Variants in PAFAH2 observed in about 807,000 individuals in gnomAD.
PAFAH2 encodes platelet activating factor acetylhydrolase 2, also known as platelet-activating factor acetylhydrolase 2, cytoplasmic.
In PAFAH2, 42 loss-of-function variants were observed where a neutral mutation model predicts 49.0. The ratio of observed to expected loss-of-function variants is 0.86; its 90% CI spans 0.67 to 1.11. PAFAH2 has a LOEUF of 1.11. Among genes scored for constraint, PAFAH2 ranks in the 50% least tolerant of loss-of-function variants. The pLI, the probability that PAFAH2 is intolerant of heterozygous loss-of-function variation, is 0.00. For synonymous variants in PAFAH2, 184 were observed against 181.3 expected (o/e 1.01, Z -0.12); for missense variants, 503 against 501.8 (o/e 1.00, Z -0.02).
At chr1:25,962,496 A>C (rs1231437819) in intron 10 of PAFAH2, among the ~76,000 whole-genome samples, 1 of 152,140 alleles carries the variant, frequency 6.6e-6, no homozygotes, top group East Asian at 1.9e-4. Flanking sequence ...TAGAGCTATT[A>C]AGTGGTAGAG....
intron 9 of PAFAH2, among the ~76,000 whole-genome samples, chr1:25,973,355 G>A (rs1184196172): frequency 6.6e-6 from 1 of 152,136 alleles, no homozygotes; most frequent in Non-Finnish European, 1.5e-5. Context: ...TTCAGTGAGA[G>A]AAAGAGAATC....
chr1:25,977,450 A>G (rs1279325316), intron 7 of PAFAH2, among the ~76,000 whole-genome samples: 1 of 151,448 alleles, frequency 6.6e-6, no homozygotes, highest in Non-Finnish European at 1.5e-5. Context: ...TAGGAGTTTG[A>G]GACCAGCCAG....
intron 10 of PAFAH2, among the ~76,000 whole-genome samples, chr1:25,966,521 C>T (rs7553386): frequency 0.54 from 82,003 of 151,986 alleles, 25,116 homozygotes; most frequent in East Asian, 0.7. Flanking sequence ...AAGTCAAATA[C>T]CGAATGCTGT....
intron 4 of PAFAH2, among the ~76,000 whole-genome samples, chr1:25,986,969 C>T (rs915813271): frequency 2.6e-5 from 4 of 151,878 alleles, no homozygotes; most frequent in Admixed American, 1.3e-4. Context: ...CCCTGACAGG[C>T]GCGGTGGCTC....
intron 10 of PAFAH2, among the ~76,000 whole-genome samples, chr1:25,970,674 C>T (rs2049492644): frequency 6.6e-6 from 1 of 152,120 alleles, no homozygotes; most frequent in African/African-American, 2.4e-5. Context: ...CAGTCTTGAC[C>T]TCCCAGGCTC....
intron 9 of PAFAH2, 65 bp downstream of exon 9, chr1:25,974,415 T>G: frequency 1.4e-6 from 2 of 1,394,394 alleles, no homozygotes; most frequent in South Asian, 3.1e-5. Flanking sequence ...ATCCAGAAGT[T>G]AAGGGCACCA....
intron 10 of PAFAH2, among the ~76,000 whole-genome samples, chr1:25,964,848 C>A (rs1224973004): frequency 6.6e-6 from 1 of 152,054 alleles, no homozygotes; most frequent in East Asian, 1.9e-4. Flanking sequence ...ATGCTCAAAG[C>A]AATTTACAGA....
chr1:25,995,951 G>A (rs1433686230), intron 1 of PAFAH2, among the ~76,000 whole-genome samples: 2 of 152,066 alleles, frequency 1.3e-5, no homozygotes, highest in African/African-American at 2.4e-5. Context: ...TGAAATAATG[G>A]GGGACAAAGG....
chr1:25,982,361 T>C lies in PAFAH2; in HGVS notation c.666+3A>G, dbSNP rs910147929. ...CTCTAGGTCATACCAATTGCTTCCA[T>C]ACCTTCAAAGTCATCAGATCCAAGC... On this transcript the variant is annotated splice_donor_region_variant and intron_variant, in intron 7 of 10. Transcript: ENST00000374282. 16 of 1,609,228 alleles carry C rather than the reference T, an allele frequency of 9.9e-6. No homozygotes were observed. The highest frequency in any genetic ancestry group is 4.5e-5 in the East Asian group (2 of 44,868).
rs201548055 is a variant in PAFAH2, at chr1:25,977,014, CTTTTTTTTTTTTTT to C, written c.667-255_667-242del. ...GTGAGAATCACACTTTTCATGTTTA[CTTTTTTTTTTTTTT>C]TTTTTTTTTTTTGAGACGGAGTCTC... On this transcript the variant is annotated intron_variant, in intron 7 of 10. Transcript: ENST00000374282. 1.8e-3 allele frequency among the ~76,000 whole-genome samples: 162 copies of C among 88,386 alleles called. 2 individuals are homozygous for C. The East Asian group carries it at 0.057, about 31-fold the overall frequency. 58.0% of individuals were successfully genotyped at this position (88,386 alleles called of 152,430 possible).
intron 4 of PAFAH2, 28 bp from the exon 5 acceptor site, chr1:25,984,556 AG>A (rs1356900983): frequency 1.9e-6 from 3 of 1,579,874 alleles, no homozygotes; most frequent in African/African-American, 1.3e-5. Context: ...AACAAGGAAA[AG>A]GGATCAAAAG....
At chr1:25,991,207 C>T (rs9438606) in intron 1 of PAFAH2, among the ~76,000 whole-genome samples, 20,330 of 152,172 alleles carry the variant, frequency 0.13, 1,481 homozygotes, top group Middle Eastern at 0.22. Context: ...CCATTATTTA[C>T]GGTTAGCACT....
chr1:25,979,017 A>C (rs2049638765), intron 7 of PAFAH2, among the ~76,000 whole-genome samples: 1 of 152,238 alleles, frequency 6.6e-6, no homozygotes, highest in Non-Finnish European at 1.5e-5. Context: ...GTGTGCAGGT[A>C]TTTATTTGTA....
chr1:25,964,553 TGAA>T (rs1204964277), intron 10 of PAFAH2, among the ~76,000 whole-genome samples: 1 of 151,722 alleles, frequency 6.6e-6, no homozygotes, highest in Non-Finnish European at 1.5e-5. Flanking sequence ...AAAAAACAAA[TGAA>T]GAAACAAACA....
intron 1 of PAFAH2, among the ~76,000 whole-genome samples, chr1:25,992,339 A>G (rs2049887547): frequency 6.6e-6 from 1 of 152,196 alleles, no homozygotes; most frequent in South Asian, 2.1e-4. Context: ...CCTAAGAGGA[A>G]AAAAAGCAGA....
chr1:25,975,908 G>A (rs1390400048), intron 8 of PAFAH2, among the ~76,000 whole-genome samples: 3 of 151,918 alleles, frequency 2.0e-5, no homozygotes, highest in African/African-American at 7.3e-5. Flanking sequence ...TCCTTACCCT[G>A]GCCAGATGAC....
At chr1:25,962,910 C>A (rs930425532) in intron 10 of PAFAH2, among the ~76,000 whole-genome samples, 1 of 152,008 alleles carries the variant, frequency 6.6e-6, no homozygotes, top group African/African-American at 2.4e-5. Context: ...GACAGCTCAG[C>A]CTGTGGGTGC....
chr1:25,968,059 G>A (rs1346734438), intron 10 of PAFAH2, among the ~76,000 whole-genome samples: 2 of 152,030 alleles, frequency 1.3e-5, no homozygotes, highest in Non-Finnish European at 2.9e-5. Flanking sequence ...CCAGCTACTC[G>A]GGAGGCTGAG....
At chr1:25,977,235 G>A (rs956269628) in intron 7 of PAFAH2, among the ~76,000 whole-genome samples, 1 of 150,442 alleles carries the variant, frequency 6.6e-6, no homozygotes, top group African/African-American at 2.4e-5. Flanking sequence ...TCCTGACCTC[G>A]TGATCCGCCC....
Sources: gnomAD v4.1 joint callset for allele counts (sites outside exome capture counted in the v4.1 genomes callset) on GRCh38, gnomAD v4.1.1 for gene constraint, MANE v1.5 for transcripts, NCBI Gene and HGNC (gene_info 2026-07-23, HGNC 2026-07-21) for gene names.